The following PPM1L variants were observed in gnomAD, a reference collection of about 807,000 sequenced individuals.
PPM1L encodes protein phosphatase 1L.
A neutral mutation model predicts 31.4 loss-of-function variants in PPM1L; 13 were observed. The observed-to-expected ratio is 0.41, with a 90% confidence interval of 0.27 to 0.66. The LOEUF is 0.66. Among genes scored for constraint, PPM1L ranks in the 30% least tolerant of loss-of-function variants. The pLI is 0.29. For synonymous variants in PPM1L, 184 were observed against 175.4 expected, an observed-to-expected ratio of 1.05 and a Z score of -0.39; for missense variants, 326 against 453.7, an observed-to-expected ratio of 0.72 and a Z score of 2.56.
At chr3:160,796,319 G>T (rs904436699) in intron 1 of PPM1L, among the ~76,000 whole-genome samples, 3 of 152,124 alleles carry the variant, frequency 2.0e-5, no homozygotes, top group African/African-American at 7.2e-5. Context: ...GGGGTCTGGG[G>T]CAGGGTAGAA....
At chr3:161,045,971 CG>C (rs1005310568) in intron 2 of PPM1L, among the ~76,000 whole-genome samples, 2 of 151,564 alleles carry the variant, frequency 1.3e-5, no homozygotes, top group African/African-American at 4.9e-5. Flanking sequence ...ATTAGCCAGG[CG>C]TGGTGGCAGG....
intron 1 of PPM1L, among the ~76,000 whole-genome samples, chr3:160,861,663 T>C (rs1345132549): frequency 1.3e-5 from 2 of 152,026 alleles, no homozygotes; most frequent in African/African-American, 4.8e-5. Flanking sequence ...CTGCTATAAA[T>C]TACAAAAAAA....
rs539530225 is a variant in PPM1L at position 160,955,135 on chromosome 3, C to T, written c.400-6601C>T. 1.3e-4 allele frequency among the ~76,000 whole-genome samples: 20 copies of T among 151,912 alleles called. No homozygotes were observed. In the South Asian group the frequency reaches 1.7e-3, roughly 13 times the overall value. ...AAGCGATTCTCCTGCTTTAGCCTCC[C>T]GAGTAGCTGGGACTACAGGCATGCA... On this transcript the variant is annotated intron_variant, in intron 1 of 3. Coordinates refer to ENST00000498165, the MANE Select transcript of PPM1L (RefSeq NM_139245.4).
At chr3:160,880,627 G>GT (rs1449718637) in intron 1 of PPM1L, among the ~76,000 whole-genome samples, 2 of 118,726 alleles carry the variant, frequency 1.7e-5, no homozygotes, top group African/African-American at 5.0e-5. Context: ...GCATTCTGTG[G>GT]TTAAAAAAAA....
chr3:160,765,103 A>G (rs768021104), intron 1 of PPM1L, among the ~76,000 whole-genome samples: 1 of 152,232 alleles, frequency 6.6e-6, no homozygotes, highest in Non-Finnish European at 1.5e-5. Flanking sequence ...TACATATGTT[A>G]TCTAATTTTA....
At chr3:161,063,577 T>C (rs1456956755) in intron 2 of PPM1L, among the ~76,000 whole-genome samples, 1 of 152,194 alleles carries the variant, frequency 6.6e-6, no homozygotes, top group Non-Finnish European at 1.5e-5. Context: ...GGTGGGAGTC[T>C]AAATTAGTTC....
intron 1 of PPM1L, among the ~76,000 whole-genome samples, chr3:160,832,796 C>T (rs1713563226): frequency 6.6e-6 from 1 of 152,052 alleles, no homozygotes; most frequent in African/African-American, 2.4e-5. Flanking sequence ...GATACATGTG[C>T]AGGATATGCA....
Position 161,072,295 on chromosome 3 carries a change from A to G in PPM1L, c.*3138A>G, listed in dbSNP as rs1472270858. On this transcript the variant is annotated 3_prime_UTR_variant, in exon 4 of 4. Coordinates refer to ENST00000498165, the MANE Select transcript of PPM1L (RefSeq NM_139245.4). ...CTCTGAATTGCTGTTCTAATGTGAC[A>G]TATCTGTGTACATATGTACATAGTA... 1 of 152,240 alleles carries G rather than the reference A, an allele frequency of 6.6e-6. No homozygotes were observed. Among genetic ancestry groups the G allele is most frequent in the East Asian group, 1.9e-4 (1 of 5,198 alleles). The allele number at this position is 152,240 out of a possible 1,614,324, so 9.4% of individuals were successfully genotyped here. A position where few individuals can be genotyped will look rare whatever the true frequency, so the allele number is the denominator to read the frequency against.
At chr3:160,966,039 T>C (rs1716133103) in intron 2 of PPM1L, among the ~76,000 whole-genome samples, 1 of 152,020 alleles carries the variant, frequency 6.6e-6, no homozygotes, top group Admixed American at 6.6e-5. Context: ...CTTAATGCCT[T>C]GCCTATCCAT....
intron 1 of PPM1L, among the ~76,000 whole-genome samples, chr3:160,858,253 T>A (rs1471463065): frequency 1.3e-5 from 2 of 152,058 alleles, no homozygotes; most frequent in Admixed American, 6.6e-5. Flanking sequence ...TTTTCTTTTC[T>A]TTTTTTTCTT....
At chr3:160,860,723 T>A (rs2108120299) in intron 1 of PPM1L, among the ~76,000 whole-genome samples, 1 of 152,260 alleles carries the variant, frequency 6.6e-6, no homozygotes, top group Non-Finnish European at 1.5e-5. Context: ...TCTCACAGTT[T>A]TGGAGGCTGG....
rs184945469 is a variant in PPM1L at position 160,916,718 on chromosome 3, T to G, written c.400-45018T>G. On this transcript the variant is annotated intron_variant, in intron 1 of 3. Transcript: ENST00000498165. ...TGGCAACTCCTTTGAGAAACATATG[T>G]TTCTAACTTAAGTTACTGCTTTTTC... is the stretch of plus-strand genomic sequence containing the variant. Among the ~76,000 whole-genome samples, 401 of 152,222 alleles carry G rather than the reference T, an allele frequency of 2.6e-3. 1 individual carries two copies. The highest frequency in any genetic ancestry group is 9.3e-3 in the African/African-American group (386 of 41,518).
chr3:160,957,684 C>G (rs539270409), intron 1 of PPM1L, among the ~76,000 whole-genome samples: 3 of 150,354 alleles, frequency 2.0e-5, no homozygotes. Context: ...TTCACCCATT[C>G]TCCTGCCTCG....
intron 2 of PPM1L, among the ~76,000 whole-genome samples, chr3:161,003,282 A>C (rs908376720): frequency 6.7e-6 from 1 of 149,520 alleles, no homozygotes; most frequent in Non-Finnish European, 1.5e-5. Flanking sequence ...TGATGCCTCC[A>C]GCTTTGTTCT....
At chr3:160,904,658 C>G (rs1713680939) in intron 1 of PPM1L, among the ~76,000 whole-genome samples, 1 of 150,906 alleles carries the variant, frequency 6.6e-6, no homozygotes, top group South Asian at 2.1e-4. Flanking sequence ...GCACTTATAA[C>G]TAGATCTTCT....
At chr3:161,033,889 A>C (rs1470004398) in intron 2 of PPM1L, among the ~76,000 whole-genome samples, 1 of 152,256 alleles carries the variant, frequency 6.6e-6, no homozygotes, top group African/African-American at 2.4e-5. Flanking sequence ...AGGAACTATC[A>C]TCAGAGTGAA....
intron 1 of PPM1L, among the ~76,000 whole-genome samples, chr3:160,905,000 A>G (rs1237988138): frequency 6.6e-6 from 1 of 152,118 alleles, no homozygotes; most frequent in African/African-American, 2.4e-5. Context: ...ATAAAATATG[A>G]TCCAACTTAT....
intron 2 of PPM1L, among the ~76,000 whole-genome samples, chr3:161,001,936 A>G (rs1375313970): frequency 6.6e-5 from 10 of 151,996 alleles, no homozygotes; most frequent in Admixed American, 6.6e-4. Context: ...CGCTGCACCC[A>G]CTAACTCGTC....
chr3:160,792,236 A>G (rs1354636537), intron 1 of PPM1L, among the ~76,000 whole-genome samples: 5 of 152,188 alleles, frequency 3.3e-5, no homozygotes, highest in African/African-American at 1.2e-4. Flanking sequence ...ATGCTCTTAA[A>G]TTAACTTTTA....
Sources: gnomAD v4.1 joint callset for allele counts (sites outside exome capture counted in the v4.1 genomes callset) on GRCh38, gnomAD v4.1.1 for gene constraint, MANE v1.5 for transcripts, NCBI Gene and HGNC (gene_info 2026-07-23, HGNC 2026-07-21) for gene names.